RAP1GDS1: variants seen among roughly 807,000 people sequenced by gnomAD.
RAP1GDS1 encodes Rap1 GTPase-GDP dissociation stimulator 1.
In RAP1GDS1, 35 loss-of-function variants were observed where a neutral mutation model predicts 71.1. The observed-to-expected ratio is 0.49, with a 90% CI of 0.38 to 0.65. The LOEUF (loss-of-function observed/expected upper bound fraction) is 0.65. RAP1GDS1 is among the 30% of genes least tolerant of loss of function. The probability of loss-of-function intolerance (pLI) is 0.00; values close to 1 mark genes in which losing one functional copy is unlikely to be tolerated. For missense variants in RAP1GDS1, 663 were observed against 706.1 expected, an observed-to-expected ratio of 0.94 and a Z score of 0.69; for synonymous variants, 229 against 243.1, an observed-to-expected ratio of 0.94 and a Z score of 0.54.
chr4:98,364,420 T>G (rs1364213351), intron 4 of RAP1GDS1, among the ~76,000 whole-genome samples: 1 of 152,054 alleles, frequency 6.6e-6, no homozygotes, highest in Admixed American at 6.6e-5. Context: ...GTGATAGTGT[T>G]GATCTGAAAA....
chr4:98,269,850 A>T (rs1039480533), intron 1 of RAP1GDS1, among the ~76,000 whole-genome samples: 1 of 152,198 alleles, frequency 6.6e-6, no homozygotes, highest in Admixed American at 6.5e-5. Flanking sequence ...GGTCTAAAGC[A>T]TTTTGCATAA....
chr4:98,346,201 T>C (rs936140206), intron 3 of RAP1GDS1, among the ~76,000 whole-genome samples: 1 of 152,162 alleles, frequency 6.6e-6, no homozygotes, highest in African/African-American at 2.4e-5. Flanking sequence ...ACATTATGCT[T>C]TTTTTGTTCT....
At chr4:98,359,850 T>C (rs1738466489) in intron 4 of RAP1GDS1, among the ~76,000 whole-genome samples, 2 of 152,026 alleles carry the variant, frequency 1.3e-5, no homozygotes, top group Admixed American at 1.3e-4. Context: ...CCGGGTGTGG[T>C]GTGGTAAATA....
At chr4:98,323,918 G>T (rs1255825700) in intron 2 of RAP1GDS1, among the ~76,000 whole-genome samples, 5 of 136,002 alleles carry the variant, frequency 3.7e-5, no homozygotes, top group Middle Eastern at 3.8e-3. Context: ...GGAAGTTCTG[G>T]CCAGGGCAAT....
At chr4:98,383,184 G>A (rs534024882) in intron 5 of RAP1GDS1, among the ~76,000 whole-genome samples, 2 of 151,684 alleles carry the variant, frequency 1.3e-5, no homozygotes, top group East Asian at 1.9e-4. Context: ...TCCTAGTATT[G>A]TTGTGCTAGA....
chr4:98,285,543 T>G (rs1184842107), intron 1 of RAP1GDS1, among the ~76,000 whole-genome samples: 2 of 152,046 alleles, frequency 1.3e-5, no homozygotes, highest in African/African-American at 4.8e-5. Context: ...ATATCTGTAC[T>G]GATCTCTCCA....
chr4:98,343,033 T>C (rs923663937), intron 2 of RAP1GDS1, 106 bp from the exon 3 acceptor site: 1 of 1,235,006 alleles, frequency 8.1e-7, no homozygotes, highest in African/African-American at 1.5e-5. Flanking sequence ...CGAAACTAAT[T>C]TCTATTATGG....
At chr4:98,309,241 C>T (rs1729842690) in intron 2 of RAP1GDS1, among the ~76,000 whole-genome samples, 1 of 151,934 alleles carries the variant, frequency 6.6e-6, no homozygotes, top group African/African-American at 2.4e-5. Context: ...AAGAGAAACA[C>T]ATTTAACCGG....
chr4:98,387,109 AATATC>A (rs1742882192), intron 5 of RAP1GDS1, among the ~76,000 whole-genome samples: 1 of 152,176 alleles, frequency 6.6e-6, no homozygotes, highest in African/African-American at 2.4e-5. Flanking sequence ...TGTAAATGGC[AATATC>A]ATATCATTAT....
At chr4:98,432,971 T>A (rs551593724) in intron 12 of RAP1GDS1, among the ~76,000 whole-genome samples, 3 of 152,146 alleles carry the variant, frequency 2.0e-5, no homozygotes, top group African/African-American at 7.2e-5. Context: ...AACAAAAACC[T>A]ATGAGATATA....
At chr4:98,363,505 A>AAAAAAAG (rs1739061300) in intron 4 of RAP1GDS1, among the ~76,000 whole-genome samples, 4 of 145,560 alleles carry the variant, frequency 2.7e-5, no homozygotes, top group African/African-American at 1.1e-4. Context: ...AAAAAAAAAA[A>AAAAAAAG]GTGTAGTAAT....
intron 7 of RAP1GDS1, among the ~76,000 whole-genome samples, chr4:98,408,920 A>G (rs1332357177): frequency 6.6e-6 from 1 of 152,202 alleles, no homozygotes; most frequent in African/African-American, 2.4e-5. Context: ...AAGGCTGAAG[A>G]AAACATCACA....
At chr4:98,285,279 T>C (rs945108496) in intron 1 of RAP1GDS1, among the ~76,000 whole-genome samples, 2 of 152,190 alleles carry the variant, frequency 1.3e-5, no homozygotes, top group African/African-American at 4.8e-5. Context: ...TAGAGAAATT[T>C]GGTTTCTTTA....
At chr4:98,428,309 A>G (rs1749909571) in intron 12 of RAP1GDS1, among the ~76,000 whole-genome samples, 1 of 152,222 alleles carries the variant, frequency 6.6e-6, no homozygotes. Context: ...TTTCATGATC[A>G]AGAACCCAAA....
chr4:98,443,461 C>G lies in RAP1GDS1; in HGVS notation c.*1344C>G. 4.3e-6 allele frequency: 1 copy of G among 230,310 alleles called. No individual in the cohort carries two copies. Among genetic ancestry groups the G allele is most frequent in the East Asian group, 6.2e-5 (1 of 16,240 alleles). The allele number at this position is 230,310 out of a possible 1,614,324, so 14.3% of individuals were successfully genotyped here. Reference sequence around the variant, plus strand: ...CCTTCTCCCCATACCCAAATTTGACCACTACTGGCCTAAAAGGCAAGATGG... The same window carrying G: ...CCTTCTCCCCATACCCAAATTTGACGACTACTGGCCTAAAAGGCAAGATGG... On this transcript the variant is annotated 3_prime_UTR_variant, in exon 15 of 15. Coordinates refer to ENST00000408927, the MANE Select transcript of RAP1GDS1 (RefSeq NM_001100427.2).
rs939349892 is a variant in RAP1GDS1, at chr4:98,388,395, A to G, written c.509-3557A>G. Reference sequence around the variant, plus strand: ...CACATCATTGAACTTCAGAATATTTACCATGTTTCCCACTCACCTCCCAAT... The same window carrying G: ...CACATCATTGAACTTCAGAATATTTGCCATGTTTCCCACTCACCTCCCAAT... On this transcript the variant is annotated intron_variant, in intron 5 of 14. Transcript: ENST00000408927. 8.5e-5 allele frequency among the ~76,000 whole-genome samples: 13 copies of G among 152,070 alleles called. No homozygotes were observed. In the South Asian group the frequency reaches 1.5e-3, roughly 17 times the overall value.
chr4:98,442,131 C>G lies in RAP1GDS1; in HGVS notation c.*14C>G. The stretch of plus-strand genomic sequence containing the variant: ...GTGGAAAGCTGAGAACTGCCCGATA[C>G]ACGGCATCATCCCATCTCTAATTTC... On this transcript the variant is annotated 3_prime_UTR_variant, in exon 15 of 15. Transcript: ENST00000408927. 1.2e-6 allele frequency: 2 copies of G among 1,610,808 alleles called. No homozygotes were observed. Among genetic ancestry groups the G allele is most frequent in the Non-Finnish European group, 1.7e-6 (2 of 1,179,482 alleles).
At chr4:98,304,079 A>G (rs527802113) in intron 2 of RAP1GDS1, among the ~76,000 whole-genome samples, 61 of 152,098 alleles carry the variant, frequency 4.0e-4, no homozygotes, top group African/African-American at 1.3e-3. Flanking sequence ...TATATCTACC[A>G]CATTTCCAGT....
chr4:98,386,543 C>A (rs931210633), intron 5 of RAP1GDS1, among the ~76,000 whole-genome samples: 10 of 149,196 alleles, frequency 6.7e-5, no homozygotes. Context: ...TTGTTTTAAA[C>A]CTCCAATATT....
Sources: gnomAD v4.1 joint callset for allele counts (sites outside exome capture counted in the v4.1 genomes callset) on GRCh38, gnomAD v4.1.1 for gene constraint, MANE v1.5 for transcripts, NCBI Gene and HGNC (gene_info 2026-07-23, HGNC 2026-07-21) for gene names.